Variants in PDZD2 observed in about 807,000 individuals in gnomAD.
The protein encoded by PDZD2 is PDZ domain containing 2, also known as PDZ domain-containing protein 2.
In PDZD2, 90 loss-of-function variants were observed where a neutral mutation model predicts 220.7. The observed-to-expected ratio is 0.41, with a 90% CI of 0.34 to 0.49. The LOEUF is 0.49. Ranked by LOEUF, PDZD2 falls within the 20% of genes least tolerant of loss-of-function variation. PDZD2 has a pLI of 0.28. For missense variants in PDZD2, 3,174 were observed against 3,608.5 expected (o/e 0.88, Z 3.08); for synonymous variants, 1,375 against 1,450.5 (o/e 0.95, Z 1.18).
chr5:31,807,621 C>T (rs1192855074), intron 2 of PDZD2, among the ~76,000 whole-genome samples: 1 of 152,238 alleles, frequency 6.6e-6, no homozygotes, highest in East Asian at 1.9e-4. Context: ...TTGGTCCAGA[C>T]ACTGGGGTCC....
At position 32,098,548 on chromosome 5, in the gene PDZD2, C is replaced by T; in HGVS notation, c.8132C>T (p.Pro2711Leu). 1 of 1,614,112 alleles carries T rather than the reference C, an allele frequency of 6.2e-7. No homozygotes were observed. Among genetic ancestry groups the T allele is most frequent in the South Asian group, 1.1e-5 (1 of 91,082 alleles). ...LVVIKKGMDQPRPSARQEPPT... is the reference protein window; with the variant it reads ...LVVIKKGMDQLRPSARQEPPT... ...GTCATCAAGAAAGGGATGGATCAGC[C>T]CAGGCCCTCTGCCCGGCAGGAGCCT... The change falls in exon 23 of 25, where the codon CCC (proline) becomes CTC (leucine). Residue 2711 changes from proline (P) to leucine (L), a missense_variant. Pro to Leu is a moderately conservative substitution (Grantham distance 98). This residue lies in a region of PDZD2 where 631 missense variants were observed against 789.9 expected (regional missense o/e 0.80). Transcript: ENST00000438447. The surrounding 1 kb of genome is among the most constrained non-coding windows in gnomAD (Gnocchi z 4.1).
Position 32,010,370 on chromosome 5 carries a change from G to A in PDZD2, c.1295G>A (p.Ser432Asn). 1.2e-6 allele frequency: 2 copies of A among 1,611,784 alleles called. No homozygotes were observed. Among genetic ancestry groups the A allele is most frequent in the Non-Finnish European group, 1.7e-6 (2 of 1,178,110 alleles). Reference protein sequence around the residue: ...AEDLLRLTSKSLPDLTSSVED... With the variant: ...AEDLLRLTSKNLPDLTSSVED... ...GACCTCCTCAGGTTAACATCTAAGA[G>A]CTTGCCAGATCTGACCAGCTCGGTA... is the stretch of plus-strand genomic sequence containing the variant. Residue 432 changes from serine (S) to asparagine (N), a missense_variant, in exon 6 of 25, where the codon AGC becomes AAC. Physicochemically the swap from Ser to Asn is conservative, Grantham distance 46. Transcript: ENST00000438447.
rs553368202 is a variant in PDZD2 at position 32,000,336 on chromosome 5, C to T, written c.1254+65C>T. 10 of 1,506,602 alleles carry T rather than the reference C, an allele frequency of 6.6e-6. No individual in the cohort carries two copies. The highest frequency in any genetic ancestry group is 8.3e-6 in the Non-Finnish European group (9 of 1,084,154). 93.3% of individuals were successfully genotyped at this position (1,506,602 alleles called of 1,614,324 possible). A position where few individuals can be genotyped will look rare whatever the true frequency, so the allele number is the denominator to read the frequency against. ...GTGGTGAGTTGGGGTTGAGCCCCAC[C>T]TCCCATGCCACACACACACACAAAG... On this transcript the variant is annotated intron_variant, in intron 5 of 24. Transcript: ENST00000438447. The surrounding 1 kb of genome is among the most constrained non-coding windows in gnomAD (Gnocchi z 4.5).
At chr5:32,009,877 A>G (rs1032607770) in intron 5 of PDZD2, among the ~76,000 whole-genome samples, 1 of 152,126 alleles carries the variant, frequency 6.6e-6, no homozygotes, top group Admixed American at 6.6e-5. Context: ...AGATCACTTG[A>G]GGTCAGCAGT....
chr5:31,949,503 G>C (rs1746978759), intron 2 of PDZD2, among the ~76,000 whole-genome samples: 1 of 152,070 alleles, frequency 6.6e-6, no homozygotes, highest in South Asian at 2.1e-4. Context: ...TCTGTTACCT[G>C]TGGCACCCTG....
chr5:31,897,993 G>A (rs1033638587), intron 2 of PDZD2, among the ~76,000 whole-genome samples: 1 of 152,088 alleles, frequency 6.6e-6, no homozygotes, highest in East Asian at 1.9e-4. Flanking sequence ...TGACCACCTT[G>A]GCCTCCCAAA....
At chr5:31,661,785 G>T (rs1310818033) in intron 1 of PDZD2, among the ~76,000 whole-genome samples, 6 of 141,838 alleles carry the variant, frequency 4.2e-5, no homozygotes, top group South Asian at 2.2e-4. Flanking sequence ...TCCTCCCTTG[G>T]TTTTTTTTTT....
At chr5:31,813,490 A>G (rs1053175196) in intron 2 of PDZD2, among the ~76,000 whole-genome samples, 6 of 151,746 alleles carry the variant, frequency 4.0e-5, no homozygotes, top group Non-Finnish European at 7.4e-5. Context: ...AATATTCACA[A>G]CGTGAATACA....
chr5:31,671,830 G>A (rs555075046), intron 1 of PDZD2, among the ~76,000 whole-genome samples: 1 of 152,192 alleles, frequency 6.6e-6, no homozygotes, highest in African/African-American at 2.4e-5. Flanking sequence ...GTAGTTATGC[G>A]GTCAGGTCTG....
Position 31,643,941 on chromosome 5 carries a change from C to T in PDZD2, c.-361+4504C>T, listed in dbSNP as rs544692877. Among the ~76,000 whole-genome samples, 276 of 152,116 alleles carry T rather than the reference C, an allele frequency of 1.8e-3. 1 individual carries two copies. The highest frequency in any genetic ancestry group is 6.0e-3 in the African/African-American group (251 of 41,498). On this transcript the variant is annotated intron_variant, in intron 1 of 24. Coordinates refer to ENST00000438447, the MANE Select transcript of PDZD2 (RefSeq NM_178140.4). The stretch of plus-strand genomic sequence containing the variant: ...TCCAGTGATCCTTCCACCTCAGCCT[C>T]CCAAGTAGCTGGGAAGCTGGGACTA...
chr5:32,069,424 T>C lies in PDZD2; in HGVS notation c.2452-145T>C, dbSNP rs111854498. The C allele has an allele frequency of 6.1e-3, 3,799 of 622,826 alleles. 119 individuals are homozygous for C. In the African/African-American group the frequency reaches 0.064, roughly 11 times the overall value. 38.6% of individuals were successfully genotyped at this position (622,826 alleles called of 1,614,324 possible). A position where few individuals can be genotyped will look rare whatever the true frequency, so the allele number is the denominator to read the frequency against. On this transcript the variant is annotated intron_variant, in intron 14 of 24. Transcript: ENST00000438447. ...TGCTGGACTTCTTACATGCTCTGAG[T>C]TACAGCTTCGGAGGATGGTCATAAT...
intron 8 of PDZD2, among the ~76,000 whole-genome samples, chr5:32,049,982 A>G (rs1392867392): frequency 1.3e-5 from 2 of 152,116 alleles, no homozygotes; most frequent in Non-Finnish European, 2.9e-5. Context: ...TGCCCAGGCT[A>G]GAGTTCAGTG....
intron 21 of PDZD2, among the ~76,000 whole-genome samples, chr5:32,096,309 G>A (rs960127946): frequency 5.9e-5 from 9 of 151,868 alleles, no homozygotes; most frequent in African/African-American, 2.2e-4. Flanking sequence ...CTAGGTTTTG[G>A]TTTGAGTGAA....
intron 2 of PDZD2, chr5:31,822,448 GT>G (rs58922873): frequency 2.3e-4 from 78 of 336,220 alleles, no homozygotes; most frequent in African/African-American, 5.7e-4. Context: ...TTTTTTTATA[GT>G]TTTTTTTTTC....
chr5:31,653,904 C>T (rs1393500576), intron 1 of PDZD2, among the ~76,000 whole-genome samples: 1 of 152,178 alleles, frequency 6.6e-6, no homozygotes, highest in Admixed American at 6.5e-5. Context: ...CCTGCCTCAG[C>T]CTCCCGAGTA....
intron 21 of PDZD2, among the ~76,000 whole-genome samples, chr5:32,095,802 G>A (rs989128528): frequency 4.9e-4 from 73 of 148,632 alleles, no homozygotes; most frequent in Middle Eastern, 6.9e-3. Context: ...GTGCAGTGGC[G>A]TGATCTCGGC....
At chr5:31,734,347 T>C (rs1198944116) in intron 1 of PDZD2, among the ~76,000 whole-genome samples, 20 of 152,070 alleles carry the variant, frequency 1.3e-4, no homozygotes, top group Admixed American at 1.0e-3. Flanking sequence ...TGAGATGGAG[T>C]CTCGCTCTGT....
At chr5:31,918,057 C>A (rs1490948927) in intron 2 of PDZD2, among the ~76,000 whole-genome samples, 1 of 152,168 alleles carries the variant, frequency 6.6e-6, no homozygotes, top group Non-Finnish European at 1.5e-5. Flanking sequence ...GAAGGGGAAG[C>A]AGGCACATCT....
At chr5:32,047,638 T>C (rs1190448206) in intron 7 of PDZD2, among the ~76,000 whole-genome samples, 2 of 152,284 alleles carry the variant, frequency 1.3e-5, no homozygotes, top group East Asian at 3.9e-4. Context: ...GAAGTGAACA[T>C]ACCAAAAAGT....
Sources: gnomAD v4.1 joint callset for allele counts (sites outside exome capture counted in the v4.1 genomes callset) on GRCh38, gnomAD v4.1.1 for gene constraint, gnomAD v4.1.1 regional missense constraint, Gnocchi (gnomAD v3.1) non-coding constraint, MANE v1.5 for transcripts, NCBI Gene and HGNC (gene_info 2026-07-23, HGNC 2026-07-21) for gene names.